Variants in IL18R1 observed in about 807,000 individuals in gnomAD.
The protein encoded by IL18R1 is interleukin 18 receptor 1.
Under a neutral mutation model 48.5 loss-of-function variants are expected in IL18R1, and 40 were observed. The ratio of observed to expected loss-of-function variants is 0.82; its 90% CI spans 0.64 to 1.07. The LOEUF is 1.07. Ranked by LOEUF, IL18R1 falls within the 50% of genes least tolerant of loss-of-function variation. The pLI, the probability that IL18R1 is intolerant of heterozygous loss-of-function variation, is 0.00. For missense variants in IL18R1, 596 were observed against 633.7 expected, an observed-to-expected ratio of 0.94 and a Z score of 0.64; for synonymous variants, 232 against 225.9, an observed-to-expected ratio of 1.03 and a Z score of -0.24.
At chr2:102,360,896 T>G (rs540509505) in intron 1 of IL18R1, among the ~76,000 whole-genome samples, 6 of 152,338 alleles carry the variant, frequency 3.9e-5, no homozygotes, top group Admixed American at 1.3e-4. Flanking sequence ...GGAAATGAAT[T>G]CATTATTTAA....
intron 2 of IL18R1, among the ~76,000 whole-genome samples, chr2:102,366,101 A>G (rs569808020): frequency 2.0e-5 from 3 of 152,162 alleles, no homozygotes; most frequent in Non-Finnish European, 4.4e-5. Flanking sequence ...TTCTGCAACC[A>G]GCTTTAATTC....
chr2:102,379,360 G>A (rs886326659), intron 5 of IL18R1, among the ~76,000 whole-genome samples: 1 of 149,430 alleles, frequency 6.7e-6, no homozygotes, highest in African/African-American at 2.5e-5. Flanking sequence ...AGGGAGAATT[G>A]CTTGAACCCA....
rs1448726004 is a variant in IL18R1 at position 102,396,721 on chromosome 2, A to G, written c.1461A>G (p.Gln487=). The change falls in exon 11 of 11, where the codon CAA becomes CAG. Residue 487 remains glutamine (Q), a synonymous_variant. Coordinates refer to ENST00000233957, the MANE Select transcript of IL18R1 (RefSeq NM_003855.5). ...TPVTDFTFLP[Q]SLKLLKSHRV... is the part of the protein sequence containing the mutation. ...TTACTGACTTCACATTCTTGCCCCAATCACTAAAGCTTTTGAAATCTCACA... is the reference window on the plus strand; with the variant it reads ...TTACTGACTTCACATTCTTGCCCCAGTCACTAAAGCTTTTGAAATCTCACA... The G allele has an allele frequency of 1.9e-6, 3 of 1,614,054 alleles. No homozygotes were observed. The highest frequency in any genetic ancestry group is 2.7e-5 in the African/African-American group (2 of 74,936).
chr2:102,396,832 A>T lies in IL18R1; in HGVS notation c.1572A>T (p.Thr524=). 6.2e-7 allele frequency: 1 copy of T among 1,611,322 alleles called. No homozygotes were observed. The highest frequency in any genetic ancestry group is 8.5e-7 in the Non-Finnish European group (1 of 1,179,296). ...KNLLYLMPAK[T]VKPGRDEPEV... is the part of the protein sequence containing the mutation. ...TTCTTTACTTAATGCCTGCAAAAACAGTCAAGCCAGGTAGAGACGAACCGG... is the reference window on the plus strand; with the variant it reads ...TTCTTTACTTAATGCCTGCAAAAACTGTCAAGCCAGGTAGAGACGAACCGG... Residue 524 remains threonine (T), a synonymous_variant, in exon 11 of 11, where the codon ACA becomes ACT. Coordinates refer to ENST00000233957, the MANE Select transcript of IL18R1 (RefSeq NM_003855.5).
intron 4 of IL18R1, among the ~76,000 whole-genome samples, chr2:102,373,611 TAA>T (rs77264673): frequency 2.1e-4 from 31 of 149,088 alleles, no homozygotes; most frequent in African/African-American, 5.9e-4. Flanking sequence ...TAAAGTATAA[TAA>T]AAAAAAAAGC....
chr2:102,366,006 C>G (rs11465583), intron 2 of IL18R1, among the ~76,000 whole-genome samples: 117,802 of 152,104 alleles, frequency 0.77, 46,612 homozygotes, highest in African/African-American at 0.89. Flanking sequence ...GGGAGGGTCT[C>G]TCATGAAGAT....
intron 4 of IL18R1, chr2:102,374,075 A>G (rs2105069379): frequency 3.9e-6 from 1 of 253,856 alleles, no homozygotes; most frequent in Admixed American, 3.4e-5. Context: ...ATGCGCCTGA[A>G]TCATCCCCAA....
chr2:102,395,483 T>A (rs1002840451), intron 10 of IL18R1, among the ~76,000 whole-genome samples: 2 of 152,098 alleles, frequency 1.3e-5, no homozygotes, highest in Non-Finnish European at 2.9e-5. Context: ...TTCCCCCCCA[T>A]ATTACAAAGT....
chr2:102,386,795 CA>C, intron 7 of IL18R1, 65 bp from the exon 8 acceptor site: 3 of 1,510,636 alleles, frequency 2.0e-6, no homozygotes, highest in Non-Finnish European at 2.7e-6. Context: ...GCATTTTAAA[CA>C]TGTGAATTCC....
intron 9 of IL18R1, among the ~76,000 whole-genome samples, chr2:102,393,206 C>G (rs1210519120): frequency 1.3e-5 from 2 of 152,134 alleles, no homozygotes; most frequent in Non-Finnish European, 2.9e-5. Flanking sequence ...CTAGTGGAAG[C>G]ACTAGCTCTT....
Position 102,363,781 on chromosome 2 carries a change from A to C in IL18R1, c.58+1063A>C, listed in dbSNP as rs149240551. Among the ~76,000 whole-genome samples the C allele has an allele frequency of 8.3e-3, 1,261 of 152,334 alleles. 39 individuals carry two copies. Among genetic ancestry groups the C allele is most frequent in the Admixed American group, 0.058 (883 of 15,300 alleles). On this transcript the variant is annotated intron_variant, in intron 2 of 10. Coordinates refer to ENST00000233957, the MANE Select transcript of IL18R1 (RefSeq NM_003855.5). ...TGACAATGTTCTACATGTAGGATTC[A>C]CTGAACCTAGTTGAGTTTAAATGAC... is the stretch of plus-strand genomic sequence containing the variant.
At chr2:102,387,134 C>T in intron 8 of IL18R1, 134 bp downstream of exon 8, 1 of 915,096 alleles carries the variant, frequency 1.1e-6, no homozygotes, top group Non-Finnish European at 1.7e-6. Flanking sequence ...CCTCATGTCA[C>T]AGGCATTCAG....
Position 102,384,896 on chromosome 2 carries a change from A to G in IL18R1, c.707A>G (p.Asn236Ser). Residue 236 changes from asparagine (N) to serine (S), a missense_variant, in exon 7 of 11, where the codon AAC (asparagine) becomes AGC (serine). Physicochemically the swap from Asn to Ser is conservative, Grantham distance 46. This residue lies in a region of IL18R1 where 360 missense variants were observed against 339.4 expected (regional missense o/e 1.06). Coordinates refer to ENST00000233957, the MANE Select transcript of IL18R1 (RefSeq NM_003855.5). ...TTACCAGGAAAAAACGTAAGGCTCA[A>G]CTGCTCTGCTTTGCTGAATGAAGAG... ...AVELGKNVRL[N>S]CSALLNEEDV... 6.2e-7 allele frequency: 1 copy of G among 1,610,662 alleles called. No homozygotes were observed. Among genetic ancestry groups the G allele is most frequent in the Non-Finnish European group, 8.5e-7 (1 of 1,177,984 alleles).
At chr2:102,386,731 A>C in intron 7 of IL18R1, 130 bp from the exon 8 acceptor site, 4 of 896,184 alleles carry the variant, frequency 4.5e-6, no homozygotes, top group Non-Finnish European at 7.0e-6. Flanking sequence ...ATGCTTTAAG[A>C]GTACTGGCCA....
chr2:102,387,370 GT>G (rs1283291693), intron 8 of IL18R1, among the ~76,000 whole-genome samples: 1 of 152,230 alleles, frequency 6.6e-6, no homozygotes, highest in Non-Finnish European at 1.5e-5. Flanking sequence ...GGTGAGGCCA[GT>G]GCAAACTTGG....
chr2:102,394,757 C>A, intron 10 of IL18R1, 130 bp downstream of exon 10: 1 of 637,314 alleles, frequency 1.6e-6, no homozygotes. Context: ...CAAGAAATAA[C>A]CACGTAAGTC....
intron 4 of IL18R1, among the ~76,000 whole-genome samples, chr2:102,373,288 G>A (rs1364956564): frequency 6.6e-6 from 1 of 152,054 alleles, no homozygotes; most frequent in Non-Finnish European, 1.5e-5. Context: ...CCATAAAAAA[G>A]CATGAGTTCA....
At chr2:102,380,811 T>G (rs570117601) in intron 5 of IL18R1, among the ~76,000 whole-genome samples, 3 of 152,284 alleles carry the variant, frequency 2.0e-5, no homozygotes, top group South Asian at 4.2e-4. Flanking sequence ...TGCTTGGGAA[T>G]GCCTCCAAAG....
intron 9 of IL18R1, among the ~76,000 whole-genome samples, chr2:102,392,057 A>C (rs1248640389): frequency 1.3e-5 from 2 of 152,234 alleles, no homozygotes; most frequent in Admixed American, 1.3e-4. Context: ...TTTGAAAAAC[A>C]TACTCAAATG....
Sources: gnomAD v4.1 joint callset for allele counts (sites outside exome capture counted in the v4.1 genomes callset) on GRCh38, gnomAD v4.1.1 for gene constraint, gnomAD v4.1.1 regional missense constraint, MANE v1.5 for transcripts, NCBI Gene and HGNC (gene_info 2026-07-23, HGNC 2026-07-21) for gene names.